SERINC5: variants seen among roughly 807,000 people sequenced by gnomAD.
SERINC5 encodes chromosome 5 open reading frame 12.
Under a neutral mutation model 63.1 loss-of-function variants are expected in SERINC5, and 41 were observed. The observed-to-expected ratio is 0.65, with a 90% CI of 0.51 to 0.84. SERINC5 has a LOEUF of 0.84. Ranked by LOEUF, SERINC5 falls within the 40% of genes least tolerant of loss-of-function variation. The probability of loss-of-function intolerance (pLI) is 0.00; values close to 1 mark genes in which losing one functional copy is unlikely to be tolerated. For missense variants in SERINC5, 523 were observed against 573.0 expected (o/e 0.91, Z 0.89); for synonymous variants, 222 against 215.2 (o/e 1.03, Z -0.28).
At chr5:80,196,766 C>T (rs762280967) in intron 2 of SERINC5, among the ~76,000 whole-genome samples, 1 of 152,000 alleles carries the variant, frequency 6.6e-6, no homozygotes, top group Non-Finnish European at 1.5e-5. Flanking sequence ...TGGTGAAACC[C>T]TGTCTCTACC....
At chr5:80,251,285 T>C (rs1225668528) in intron 1 of SERINC5, among the ~76,000 whole-genome samples, 1 of 37,426 alleles carries the variant, frequency 2.7e-5, no homozygotes, top group Non-Finnish European at 4.3e-5. Flanking sequence ...TTTAAATACA[T>C]ACATGCATAC....
At chr5:80,214,146 T>C (rs181398156) in intron 1 of SERINC5, among the ~76,000 whole-genome samples, 109 of 152,302 alleles carry the variant, frequency 7.2e-4, no homozygotes, top group African/African-American at 2.5e-3. Flanking sequence ...TTTATGGCCA[T>C]GGAAAGACGT....
chr5:80,202,635 A>C (rs1333677647), intron 2 of SERINC5, among the ~76,000 whole-genome samples: 1 of 152,242 alleles, frequency 6.6e-6, no homozygotes, highest in East Asian at 1.9e-4. Flanking sequence ...AATTAAAACA[A>C]GAATTCTCCA....
chr5:80,224,935 G>GTTTTTTTTTTTT (rs764594236), intron 1 of SERINC5, among the ~76,000 whole-genome samples: 2 of 81,666 alleles, frequency 2.4e-5, no homozygotes, highest in Non-Finnish European at 2.3e-5. Context: ...TTTTTTTTTT[G>GTTTTTTTTTTTT]TTTTTTTTTG....
At chr5:80,237,554 C>T (rs749228145) in intron 1 of SERINC5, among the ~76,000 whole-genome samples, 2 of 151,082 alleles carry the variant, frequency 1.3e-5, no homozygotes, top group South Asian at 2.1e-4. Context: ...AGGCTGGTAT[C>T]GAATTCTTGG....
chr5:80,147,201 C>T (rs1745878943), intron 10 of SERINC5, 44 bp downstream of exon 10: 1 of 1,548,508 alleles, frequency 6.5e-7, no homozygotes, highest in Non-Finnish European at 8.8e-7. Flanking sequence ...AGTTATAGGT[C>T]TGCAGTGCCA....
intron 6 of SERINC5, chr5:80,167,277 T>G (rs1378699849): frequency 1.3e-5 from 2 of 152,140 alleles, no homozygotes; most frequent in African/African-American, 2.4e-5. Flanking sequence ...TGTTCCCCTC[T>G]ATGTGTCCAC....
chr5:80,155,446 G>A (rs1361394812), intron 8 of SERINC5, among the ~76,000 whole-genome samples: 3 of 152,178 alleles, frequency 2.0e-5, no homozygotes, highest in South Asian at 2.1e-4. Context: ...GGTGGCACGC[G>A]CCTATAATCC....
At chr5:80,116,313 A>G (rs1431151408) in intron 11 of SERINC5, 1 of 456,192 alleles carries the variant, frequency 2.2e-6, no homozygotes, top group Admixed American at 2.3e-5. Context: ...AGTCTTCAGC[A>G]TTGATAGTTT....
intron 8 of SERINC5, among the ~76,000 whole-genome samples, chr5:80,154,171 TTTTC>T (rs1746368858): frequency 6.6e-6 from 1 of 151,220 alleles, no homozygotes; most frequent in Non-Finnish European, 1.5e-5. Context: ...GAAGATTTCT[TTTTC>T]TTTCTTTCCT....
chr5:80,187,198 A>C (rs976321143), intron 2 of SERINC5, among the ~76,000 whole-genome samples: 1 of 152,208 alleles, frequency 6.6e-6, no homozygotes, highest in African/African-American at 2.4e-5. Flanking sequence ...CAATATTAGC[A>C]AAGCTAATTA....
chr5:80,236,908 G>T (rs1250639534), intron 1 of SERINC5, among the ~76,000 whole-genome samples: 2 of 151,596 alleles, frequency 1.3e-5, no homozygotes, highest in African/African-American at 4.9e-5. Context: ...GGAGTGCAAT[G>T]GTGCATTGTC....
chr5:80,218,597 C>T (rs1580181742), intron 1 of SERINC5, among the ~76,000 whole-genome samples: 1 of 151,898 alleles, frequency 6.6e-6, no homozygotes, highest in African/African-American at 2.4e-5. Flanking sequence ...ATCACTTGAA[C>T]CAGGGAGTCG....
chr5:80,229,050 T>TGGGGCGG (rs1174325559), intron 1 of SERINC5, among the ~76,000 whole-genome samples: 1 of 94,104 alleles, frequency 1.1e-5, no homozygotes, highest in Non-Finnish European at 2.1e-5. Context: ...TTTTTTTTTT[T>TGGGGCGG]GGGGATGGAG....
rs753918960 is a variant in SERINC5 at position 80,141,576 on chromosome 5, C to G, written c.*2087G>C. The G allele has an allele frequency of 4.1e-5, 40 of 985,518 alleles. No individual in the cohort carries two copies. Among genetic ancestry groups the G allele is most frequent in the Non-Finnish European group, 4.8e-5 (40 of 830,024 alleles). The allele number at this position is 985,518 out of a possible 1,614,324, so 61.0% of individuals were successfully genotyped here. ...GAAACTAGTCACAATACTGCCCAGGCTCTTTACCTGCTTCCCCTCAGGGTG... is the reference window on the plus strand; with the variant it reads ...GAAACTAGTCACAATACTGCCCAGGGTCTTTACCTGCTTCCCCTCAGGGTG... On this transcript the variant is annotated 3_prime_UTR_variant, in exon 12 of 12. Transcript: ENST00000507668.
In SERINC5 at chr5:80,140,325, AAAAAAAAG is replaced by A; in HGVS notation, c.*3330_*3337del. The A allele has an allele frequency of 1.1e-6, 1 of 941,320 alleles. No individual in the cohort carries two copies. The highest frequency in any genetic ancestry group is 4.9e-5 in the South Asian group (1 of 20,364). 58.3% of individuals were successfully genotyped at this position (941,320 alleles called of 1,614,324 possible). ...GTCTCCAAAAAAAAAAAAAAAAAAAAAAAAAAAGGCTTAGGGTGACAATTTTGACATGG... is the reference window on the plus strand; with the variant it reads ...GTCTCCAAAAAAAAAAAAAAAAAAAAGCTTAGGGTGACAATTTTGACATGG... On this transcript the variant is annotated 3_prime_UTR_variant, in exon 12 of 12. Transcript: ENST00000507668.
chr5:80,133,374 G>C (rs1410139349), intron 11 of SERINC5, among the ~76,000 whole-genome samples: 1 of 152,192 alleles, frequency 6.6e-6, no homozygotes, highest in Non-Finnish European at 1.5e-5. Context: ...AAGGGGGCCT[G>C]AGTTACATAC....
intron 12 of SERINC5, among the ~76,000 whole-genome samples, chr5:80,112,061 C>T (rs1262913256): frequency 6.6e-6 from 1 of 152,206 alleles, no homozygotes; most frequent in Non-Finnish European, 1.5e-5. Flanking sequence ...CAAAGTTCCT[C>T]CCCACTGAGA....
chr5:80,135,004 GCCA>G (rs1745102876), downstream of SERINC5, among the ~76,000 whole-genome samples: 1 of 152,210 alleles, frequency 6.6e-6, no homozygotes, highest in East Asian at 1.9e-4. Context: ...TCAAAACAAA[GCCA>G]CTGGGCTCCT....
Sources: allele counts gnomAD v4.1 joint callset (sites outside exome capture counted in the v4.1 genomes callset), GRCh38; gene constraint gnomAD v4.1.1; transcripts MANE v1.5; gene names NCBI Gene and HGNC (gene_info 2026-07-23, HGNC 2026-07-21).